Variants in ARNT observed in about 807,000 individuals in gnomAD.
ARNT encodes the protein aryl hydrocarbon receptor nuclear translocator.
ARNT carries 30 observed loss-of-function variants against 105.0 expected under a neutral mutation model. That is an observed-to-expected ratio of 0.29 (90% CI 0.21 to 0.39). The LOEUF (loss-of-function observed/expected upper bound fraction) is 0.39. ARNT is among the 10% of genes least tolerant of loss of function. ARNT has a pLI of 1.00. For missense variants in ARNT, 748 were observed against 978.7 expected (o/e 0.76, Z 3.15); for synonymous variants, 304 against 344.0 (o/e 0.88, Z 1.29).
chr1:150,811,196 T>C lies in ARNT; in HGVS notation c.*825A>G, dbSNP rs1654649004. On this transcript the variant is annotated 3_prime_UTR_variant, in exon 22 of 22. Transcript: ENST00000358595. The stretch of plus-strand genomic sequence containing the variant: ...GCAGTAACCCAGCTTTATCACTGAA[T>C]GTGTTCGATAACAGACAATCGTATC... 8.6e-6 allele frequency: 2 copies of C among 233,632 alleles called. No homozygotes were observed. The highest frequency in any genetic ancestry group is 1.1e-4 in the Admixed American group (2 of 17,768). The allele number at this position is 233,632 out of a possible 1,614,324, so 14.5% of individuals were successfully genotyped here.
At chr1:150,848,802 G>A (rs1662755921) in intron 3 of ARNT, among the ~76,000 whole-genome samples, 1 of 152,124 alleles carries the variant, frequency 6.6e-6, no homozygotes, top group African/African-American at 2.4e-5. Flanking sequence ...AAAGTGCTGG[G>A]ATTACAGGTG....
chr1:150,870,994 C>T (rs1040451780), intron 1 of ARNT, among the ~76,000 whole-genome samples: 3 of 151,710 alleles, frequency 2.0e-5, no homozygotes, highest in Non-Finnish European at 4.4e-5. Flanking sequence ...TAGTGAGACC[C>T]GGTCACTATC....
At chr1:150,859,275 C>T (rs914698746) in intron 1 of ARNT, among the ~76,000 whole-genome samples, 2 of 151,746 alleles carry the variant, frequency 1.3e-5, no homozygotes, top group Non-Finnish European at 2.9e-5. Context: ...TTCCTGCCCC[C>T]CGTACCTCTC....
At chr1:150,859,874 G>C (rs1665294417) in intron 1 of ARNT, among the ~76,000 whole-genome samples, 1 of 151,964 alleles carries the variant, frequency 6.6e-6, no homozygotes, top group South Asian at 2.1e-4. Context: ...CAGCATGGTG[G>C]CCCATGCCTG....
At chr1:150,870,710 C>T (rs1166059823) in intron 1 of ARNT, among the ~76,000 whole-genome samples, 4 of 151,742 alleles carry the variant, frequency 2.6e-5, no homozygotes, top group Non-Finnish European at 4.4e-5. Flanking sequence ...GGTTTCACCA[C>T]GTTGCCCAGG....
intron 1 of ARNT, among the ~76,000 whole-genome samples, chr1:150,867,813 T>C (rs587738653): frequency 6.6e-6 from 1 of 152,144 alleles, no homozygotes; most frequent in East Asian, 1.9e-4. Flanking sequence ...TCTGGTTGTT[T>C]GAAAGTGTGT....
At chr1:150,864,073 G>C (rs1329936940) in intron 1 of ARNT, among the ~76,000 whole-genome samples, 1 of 152,050 alleles carries the variant, frequency 6.6e-6, no homozygotes, top group Non-Finnish European at 1.5e-5. Flanking sequence ...ATTACTCCCA[G>C]TAACAGCCTA....
At chr1:150,826,829 TAG>T (rs1022290709) in intron 12 of ARNT, among the ~76,000 whole-genome samples, 7 of 151,998 alleles carry the variant, frequency 4.6e-5, no homozygotes, top group Non-Finnish European at 1.0e-4. Flanking sequence ...TTTTTTTAAA[TAG>T]AGACAGGGTT....
intron 14 of ARNT, among the ~76,000 whole-genome samples, chr1:150,819,982 T>C (rs1037191607): frequency 5.9e-5 from 9 of 152,162 alleles, no homozygotes; most frequent in African/African-American, 2.2e-4. Context: ...AATAGAAAAG[T>C]GCAAAAGAGA....
At chr1:150,840,511 C>A (rs1314720699) in intron 5 of ARNT, among the ~76,000 whole-genome samples, 1 of 152,168 alleles carries the variant, frequency 6.6e-6, no homozygotes, top group Non-Finnish European at 1.5e-5. Flanking sequence ...CATTAAAAGG[C>A]AGAATTTGAA....
At chr1:150,823,813 G>A (rs2101722074) in intron 13 of ARNT, among the ~76,000 whole-genome samples, 1 of 149,836 alleles carries the variant, frequency 6.7e-6, no homozygotes, top group East Asian at 2.0e-4. Flanking sequence ...GCCTCCCAAA[G>A]TGCTGGGATT....
At position 150,876,561 on chromosome 1, in the gene ARNT, C is replaced by T. The variant is rs1268420256; in HGVS notation, c.7G>A (p.Ala3Thr). 1 of 1,548,352 alleles carries T rather than the reference C, an allele frequency of 6.5e-7. No individual in the cohort carries two copies. Among genetic ancestry groups the T allele is most frequent in the Admixed American group, 2.0e-5 (1 of 50,952 alleles). The change falls in exon 1 of 22, where the codon GCG (alanine) becomes ACG (threonine). Residue 3 changes from alanine to threonine, a missense_variant. Physicochemically the swap from Ala to Thr is moderately conservative, Grantham distance 58. Around this residue, in one of 4 missense-constraint regions of ARNT, gnomAD observed 93 missense variants for 101.6 expected, o/e 0.92. Transcript: ENST00000358595. ...TCCTCACCGGGGTTGGCAGTAGTCG[C>T]CGCCATGGCCGCAGATGCCACCGCC... MA[A>T]TTANPEMTSD...
At chr1:150,842,282 C>CA in intron 5 of ARNT, 142 bp downstream of exon 5, 1 of 1,344,098 alleles carries the variant, frequency 7.4e-7, no homozygotes, top group South Asian at 1.9e-5. Flanking sequence ...CTGTTACACT[C>CA]AAACTTCTAA....
intron 6 of ARNT, 92 bp from the exon 7 acceptor site, chr1:150,836,585 T>A: frequency 1.5e-6 from 2 of 1,295,922 alleles, no homozygotes; most frequent in Non-Finnish European, 1.1e-6. Context: ...TCAGGCCACA[T>A]GCATCTCTCC....
chr1:150,872,716 T>C (rs928783014), intron 1 of ARNT, among the ~76,000 whole-genome samples: 1 of 152,142 alleles, frequency 6.6e-6, no homozygotes, highest in African/African-American at 2.4e-5. Context: ...ATCCCAGCTC[T>C]TGGGGAGTGC....
At chr1:150,872,501 A>G (rs1175901379) in intron 1 of ARNT, among the ~76,000 whole-genome samples, 1 of 152,246 alleles carries the variant, frequency 6.6e-6, no homozygotes, top group Non-Finnish European at 1.5e-5. Flanking sequence ...CACAAAAAGA[A>G]TTCTCTGCTA....
At chr1:150,832,122 G>A (rs147098894) in intron 9 of ARNT, among the ~76,000 whole-genome samples, 16 of 152,194 alleles carry the variant, frequency 1.1e-4, no homozygotes, top group African/African-American at 3.6e-4. Flanking sequence ...ATAGCATAGC[G>A]ACTTCCTTAA....
intron 4 of ARNT, among the ~76,000 whole-genome samples, chr1:150,843,925 C>A (rs1462338931): frequency 6.6e-6 from 1 of 152,144 alleles, no homozygotes; most frequent in Non-Finnish European, 1.5e-5. Flanking sequence ...ATCTAAAATT[C>A]CTATTTCTAC....
intron 1 of ARNT, among the ~76,000 whole-genome samples, chr1:150,868,074 A>C (rs1666895722): frequency 6.6e-6 from 1 of 152,066 alleles, no homozygotes; most frequent in African/African-American, 2.4e-5. Context: ...AGTGAATGTC[A>C]AATTGAAGTA....
Sources: allele counts gnomAD v4.1 joint callset (sites outside exome capture counted in the v4.1 genomes callset), GRCh38; gene constraint gnomAD v4.1.1; regional missense constraint gnomAD v4.1.1; transcripts MANE v1.5; gene names NCBI Gene and HGNC (gene_info 2026-07-23, HGNC 2026-07-21).